The following MAP2K6 variants were observed in gnomAD, a reference collection of about 807,000 sequenced individuals.
MAP2K6 encodes mitogen-activated protein kinase kinase 6, also known as dual specificity mitogen-activated protein kinase kinase 6.
In MAP2K6, 16 loss-of-function variants were observed where a neutral mutation model predicts 53.7. The observed-to-expected ratio is 0.30, with a 90% CI of 0.20 to 0.45. The LOEUF is 0.45. Ranked by LOEUF, MAP2K6 falls within the 20% of genes least tolerant of loss-of-function variation. The pLI, the probability that MAP2K6 is intolerant of heterozygous loss-of-function variation, is 1.00. For synonymous variants in MAP2K6, 132 were observed against 143.1 expected, an observed-to-expected ratio of 0.92 and a Z score of 0.55; for missense variants, 204 against 411.9, an observed-to-expected ratio of 0.50 and a Z score of 4.37.
At chr17:69,484,601 T>C (rs1001143155) in intron 1 of MAP2K6, among the ~76,000 whole-genome samples, 6 of 152,094 alleles carry the variant, frequency 3.9e-5, no homozygotes, top group Non-Finnish European at 7.4e-5. Flanking sequence ...ATTAAAAACG[T>C]ATGCTCACTC....
At chr17:69,519,282 A>G in intron 4 of MAP2K6, 31 bp from the exon 5 acceptor site, 1 of 1,608,130 alleles carries the variant, frequency 6.2e-7, no homozygotes, top group Non-Finnish European at 8.5e-7. Flanking sequence ...TCAGAGTAGT[A>G]ACCATAAATT....
At chr17:69,418,268 G>GAAGCC (rs759772585) in intron 1 of MAP2K6, among the ~76,000 whole-genome samples, 2 of 152,092 alleles carry the variant, frequency 1.3e-5, no homozygotes, top group Admixed American at 6.6e-5. Context: ...CCTGTTAACT[G>GAAGCC]TAGGGGGCTT....
chr17:69,523,720 CAG>C, intron 8 of MAP2K6, 79 bp downstream of exon 8: 2 of 1,565,870 alleles, frequency 1.3e-6, no homozygotes, highest in Non-Finnish European at 1.8e-6. Flanking sequence ...TGGATGGCCA[CAG>C]AGGGAAAATG....
In MAP2K6 at chr17:69,543,697, A is replaced by G. The variant is rs893845985; in HGVS notation, c.*1944A>G. 1.3e-5 allele frequency: 2 copies of G among 152,158 alleles called. No homozygotes were observed. The highest frequency in any genetic ancestry group is 2.4e-5 in the African/African-American group (1 of 41,446). 9.4% of individuals were successfully genotyped at this position (152,158 alleles called of 1,614,324 possible). A position where few individuals can be genotyped will look rare whatever the true frequency, so the allele number is the denominator to read the frequency against. ...ATAGGAAAAAAAATCCGGTTACTCCATTTTAGCTTTTGGTGAACGATGTAG... is the reference window on the plus strand; with the variant it reads ...ATAGGAAAAAAAATCCGGTTACTCCGTTTTAGCTTTTGGTGAACGATGTAG... On this transcript the variant is annotated 3_prime_UTR_variant, in exon 12 of 12. Coordinates refer to ENST00000590474, the MANE Select transcript of MAP2K6 (RefSeq NM_002758.4).
At chr17:69,534,924 C>T (rs1911278822) in intron 10 of MAP2K6, among the ~76,000 whole-genome samples, 1 of 151,562 alleles carries the variant, frequency 6.6e-6, no homozygotes, top group Admixed American at 6.6e-5. Context: ...CATTCTGTAA[C>T]CTGGGATTCC....
At chr17:69,421,685 CCTG>C (rs1226229706) in intron 1 of MAP2K6, among the ~76,000 whole-genome samples, 1 of 151,788 alleles carries the variant, frequency 6.6e-6, no homozygotes, top group Non-Finnish European at 1.5e-5. Context: ...ATTACAGGTG[CCTG>C]CCGCCACCAT....
At chr17:69,417,972 A>G (rs1345412153) in intron 1 of MAP2K6, among the ~76,000 whole-genome samples, 1 of 152,270 alleles carries the variant, frequency 6.6e-6, no homozygotes, top group Admixed American at 6.5e-5. Flanking sequence ...CCTATGAGGC[A>G]CAATTCAGAA....
intron 1 of MAP2K6, among the ~76,000 whole-genome samples, chr17:69,456,852 C>T (rs891881111): frequency 3.9e-5 from 6 of 152,114 alleles, no homozygotes; most frequent in African/African-American, 1.4e-4. Flanking sequence ...TGCTGACTAT[C>T]TTCCTACAAC....
At chr17:69,462,112 C>T (rs1197546938) in intron 1 of MAP2K6, among the ~76,000 whole-genome samples, 1 of 152,126 alleles carries the variant, frequency 6.6e-6, no homozygotes, top group Non-Finnish European at 1.5e-5. Context: ...TTCTCAGCGC[C>T]CCCTGCTTCA....
At chr17:69,471,555 C>T (rs1176074896) in intron 1 of MAP2K6, among the ~76,000 whole-genome samples, 2 of 152,148 alleles carry the variant, frequency 1.3e-5, no homozygotes, top group African/African-American at 4.8e-5. Context: ...AAAATATTAC[C>T]TACTAGGCGC....
chr17:69,431,527 G>A (rs976101969), intron 1 of MAP2K6, among the ~76,000 whole-genome samples: 1 of 152,176 alleles, frequency 6.6e-6, no homozygotes, highest in African/African-American at 2.4e-5. Context: ...AAGTGCATGT[G>A]TTTGTGTATT....
intron 1 of MAP2K6, among the ~76,000 whole-genome samples, chr17:69,432,748 T>G (rs773710879): frequency 1.4e-4 from 21 of 151,830 alleles, no homozygotes; most frequent in Non-Finnish European, 3.1e-4. Context: ...AAACCACCAT[T>G]GCACACGTTT....
At chr17:69,433,988 G>A (rs757928069) in intron 1 of MAP2K6, 8 of 152,080 alleles carry the variant, frequency 5.3e-5, no homozygotes, top group Non-Finnish European at 8.8e-5. Flanking sequence ...GCCGAGAGAG[G>A]GTTTCTTCCA....
At chr17:69,468,618 C>T (rs572295005) in intron 1 of MAP2K6, among the ~76,000 whole-genome samples, 2 of 152,200 alleles carry the variant, frequency 1.3e-5, no homozygotes, top group East Asian at 1.9e-4. Flanking sequence ...ATGATGACAT[C>T]GAAGCTGAGT....
At chr17:69,490,408 C>A (rs989871717) in intron 1 of MAP2K6, among the ~76,000 whole-genome samples, 1 of 152,104 alleles carries the variant, frequency 6.6e-6, no homozygotes, top group African/African-American at 2.4e-5. Flanking sequence ...TTGTTTCTGT[C>A]GCCACTAGCA....
At position 69,526,324 on chromosome 17, in the gene MAP2K6, G is replaced by A. The variant is rs1313506862; in HGVS notation, c.742-246G>A. Among the ~76,000 whole-genome samples, 4 of 152,208 alleles carry A rather than the reference G, an allele frequency of 2.6e-5. No individual in the cohort carries two copies. The East Asian group carries it at 5.8e-4, about 22-fold the overall frequency. ...AAGTGCCACAGTGGGTTTTAGTGAG[G>A]GTCCCCATTTTAGATAGGCTTAAGT... On this transcript the variant is annotated intron_variant, in intron 9 of 11. Transcript: ENST00000590474.
chr17:69,515,112 G>T (rs1459749583), intron 2 of MAP2K6, among the ~76,000 whole-genome samples: 2 of 150,420 alleles, frequency 1.3e-5, no homozygotes, highest in Non-Finnish European at 3.0e-5. Flanking sequence ...TTAGCCTCTA[G>T]TTGTTCTTTT....
At chr17:69,500,765 AG>A (rs1909138841) in intron 1 of MAP2K6, among the ~76,000 whole-genome samples, 1 of 148,926 alleles carries the variant, frequency 6.7e-6, no homozygotes, top group African/African-American at 2.5e-5. Context: ...CAAAAAAAAA[AG>A]AAAAAAAAAA....
intron 1 of MAP2K6, among the ~76,000 whole-genome samples, chr17:69,499,078 C>G (rs1287444771): frequency 6.6e-6 from 1 of 152,274 alleles, no homozygotes; most frequent in South Asian, 2.1e-4. Flanking sequence ...AAATTATAAG[C>G]ACTCACTACA....
Sources: allele counts gnomAD v4.1 joint callset (sites outside exome capture counted in the v4.1 genomes callset), GRCh38; gene constraint gnomAD v4.1.1; transcripts MANE v1.5; gene names NCBI Gene and HGNC (gene_info 2026-07-23, HGNC 2026-07-21).